OPN5: variants seen among roughly 807,000 people sequenced by gnomAD.
The protein encoded by OPN5 is opsin-5.
In OPN5, 18 loss-of-function variants were observed where a neutral mutation model predicts 41.7. That is an observed-to-expected ratio of 0.43 (90% CI 0.30 to 0.64). The LOEUF is 0.64. OPN5 is among the 30% of genes least tolerant of loss of function. The pLI, the probability that OPN5 is intolerant of heterozygous loss-of-function variation, is 0.13. For synonymous variants in OPN5, 178 were observed against 164.3 expected, an observed-to-expected ratio of 1.08 and a Z score of -0.64; for missense variants, 318 against 434.5, an observed-to-expected ratio of 0.73 and a Z score of 2.38.
intron 2 of OPN5, 75 bp from the exon 3 acceptor site, chr6:47,791,727 G>A (rs532713954): frequency 3.9e-6 from 5 of 1,284,750 alleles, no homozygotes; most frequent in Admixed American, 3.6e-5. Context: ...TAGGGGAGGA[G>A]GTTCAGGTGA....
Position 47,800,487 on chromosome 6 carries a change from G to C in OPN5, c.756+4924G>C, listed in dbSNP as rs79075408. ...AAAAACTTGAAAAGATATCTCAAAA[G>C]GCCAATCTGAGGTTCTACAATACTG... On this transcript the variant is annotated intron_variant, in intron 4 of 6. Coordinates refer to ENST00000371211, the Ensembl canonical transcript of OPN5. Among the ~76,000 whole-genome samples the C allele has an allele frequency of 1.9e-3, 290 of 152,268 alleles. 5 individuals are homozygous for C. The East Asian group carries it at 0.047, about 25-fold the overall frequency.
Position 47,800,746 on chromosome 6 carries a change from T to C in OPN5, c.756+5183T>C, listed in dbSNP as rs116347969. ...GCCTGGCACCCAATCCCAGGAATAATTAAAGGAAAGTCAAGATGGGGGTGT... is the reference window on the plus strand; with the variant it reads ...GCCTGGCACCCAATCCCAGGAATAACTAAAGGAAAGTCAAGATGGGGGTGT... On this transcript the variant is annotated intron_variant, in intron 4 of 6. Coordinates refer to ENST00000371211, the Ensembl canonical transcript of OPN5. Among the ~76,000 whole-genome samples the C allele has an allele frequency of 4.1e-3, 623 of 152,250 alleles. 6 individuals carry two copies. Among genetic ancestry groups the C allele is most frequent in the African/African-American group, 0.014 (561 of 41,544 alleles).
At chr6:47,783,270 C>G (rs1773125363) in intron 1 of OPN5, among the ~76,000 whole-genome samples, 1 of 151,862 alleles carries the variant, frequency 6.6e-6, no homozygotes, top group Non-Finnish European at 1.5e-5. Flanking sequence ...TTTGGGTGAC[C>G]AGTGTGAAGG....
chr6:47,795,362 G>A (rs745801691), exon 4 of OPN5: 2 of 1,614,136 alleles, frequency 1.2e-6, no homozygotes, highest in Non-Finnish European at 1.7e-6. Flanking sequence ...CGTGCACCCT[G>A]GACTGGTGGC....
At chr6:47,807,860 A>C (rs1359828342) in intron 4 of OPN5, among the ~76,000 whole-genome samples, 1 of 151,470 alleles carries the variant, frequency 6.6e-6, no homozygotes, top group Non-Finnish European at 1.5e-5. Context: ...TGCTCCATGG[A>C]GTCATAATCT....
exon 5 of OPN5, chr6:47,808,212 C>A: frequency 6.2e-7 from 1 of 1,613,768 alleles, no homozygotes; most frequent in East Asian, 2.2e-5. Flanking sequence ...GCAGTGGTGT[C>A]TGTGTGGTCA....
chr6:47,786,747 C>G, intron 2 of OPN5, 113 bp downstream of exon 2: 1 of 891,360 alleles, frequency 1.1e-6, no homozygotes, highest in Non-Finnish European at 1.7e-6. Flanking sequence ...TCTCCTTCCA[C>G]TCTTCGCTTC....
At position 47,784,303 on chromosome 6, in the gene OPN5, C is replaced by CTT. The variant is rs11439294; in HGVS notation, c.130+2116_130+2117dup. Among the ~76,000 whole-genome samples the CTT allele has an allele frequency of 7.5e-4, 111 of 148,264 alleles. No individual in the cohort carries two copies. In the East Asian group the frequency reaches 8.3e-3, roughly 11 times the overall value. ...GGCTAGTGTAGATGTTGCAAGATTC[C>CTT]TTTTTTTTTTGGACATAGAGTCTCA... On this transcript the variant is annotated intron_variant, in intron 1 of 6. Transcript: ENST00000371211.
chr6:47,822,764 T>C (rs181175636), intron 6 of OPN5, among the ~76,000 whole-genome samples: 11 of 152,348 alleles, frequency 7.2e-5, no homozygotes, highest in African/African-American at 2.2e-4. Context: ...AATTTGTTCA[T>C]GAATTAACAT....
chr6:47,782,146 A>G lies in OPN5; in HGVS notation c.80A>G (p.Lys27Arg), dbSNP rs149802356. The stretch of plus-strand genomic sequence containing the variant: ...CGAGATGGGGATCCTTTTGCTTCCA[A>G]ACTTTCTTGGGAAGCGGATTTAGTG... Residue 27 changes from lysine to arginine, a missense_variant, in exon 1 of 7, where the codon AAA becomes AGA. Coordinates refer to ENST00000371211, the Ensembl canonical transcript of OPN5. The G allele has an allele frequency of 4.8e-4, 777 of 1,613,786 alleles. 1 individual carries two copies. The highest frequency in any genetic ancestry group is 6.0e-4 in the Non-Finnish European group (707 of 1,179,814).
intron 5 of OPN5, among the ~76,000 whole-genome samples, chr6:47,810,267 G>A (rs998830944): frequency 2.0e-5 from 3 of 152,178 alleles, no homozygotes; most frequent in African/African-American, 7.2e-5. Context: ...AGAGGTTGAA[G>A]CCTCTTTGTG....
intron 6 of OPN5, among the ~76,000 whole-genome samples, chr6:47,820,550 T>C (rs138345037): frequency 6.6e-6 from 1 of 152,332 alleles, no homozygotes; most frequent in East Asian, 1.9e-4. Flanking sequence ...CTGATTTCTA[T>C]TCCTTTTAAG....
At chr6:47,820,932 T>G (rs1762603511) in intron 6 of OPN5, among the ~76,000 whole-genome samples, 1 of 152,206 alleles carries the variant, frequency 6.6e-6, no homozygotes, top group Non-Finnish European at 1.5e-5. Flanking sequence ...ACACATATTT[T>G]ATATGTTATA....
At chr6:47,786,934 T>G (rs62397904) in intron 2 of OPN5, 1 of 375,308 alleles carries the variant, frequency 2.7e-6, no homozygotes, top group Non-Finnish European at 4.0e-6. Flanking sequence ...GCTAAATGAT[T>G]CAGAAATCAG....
At chr6:47,819,608 C>T (rs141559616) in intron 6 of OPN5, among the ~76,000 whole-genome samples, 17 of 151,612 alleles carry the variant, frequency 1.1e-4, no homozygotes, top group South Asian at 2.1e-4. Flanking sequence ...CTGTTATTGG[C>T]GTGTTTCCCA....
At chr6:47,809,080 A>G (rs1774089617) in intron 5 of OPN5, among the ~76,000 whole-genome samples, 1 of 152,146 alleles carries the variant, frequency 6.6e-6, no homozygotes, top group African/African-American at 2.4e-5. Flanking sequence ...GAGTTTGGGA[A>G]TCCAGTACCA....
At chr6:47,808,363 A>T in exon 5 of OPN5, 1 of 1,614,106 alleles carries the variant, frequency 6.2e-7, no homozygotes, top group Non-Finnish European at 8.5e-7. Flanking sequence ...GTGGTTTGAA[A>T]GCAACCAAGA....
rs138893819 is a variant in OPN5, at chr6:47,791,777, G to C, written c.251-25G>C. 1,378 of 1,611,576 alleles carry C rather than the reference G, an allele frequency of 8.6e-4. 17 individuals carry two copies. The South Asian group carries it at 8.7e-3, about 10-fold the overall frequency. Reference sequence around the variant, plus strand: ...GGAAATAGTAACCAGAGGAACGTCTGTTGACAAGTCACTTGGTGCTCTAGT... The same window carrying C: ...GGAAATAGTAACCAGAGGAACGTCTCTTGACAAGTCACTTGGTGCTCTAGT... On this transcript the variant is annotated intron_variant, in intron 2 of 6. Transcript: ENST00000371211.
chr6:47,792,982 GTT>G (rs11409547), intron 3 of OPN5, among the ~76,000 whole-genome samples: 25 of 138,080 alleles, frequency 1.8e-4, no homozygotes, highest in Admixed American at 4.3e-4. Flanking sequence ...CCAGCACTAC[GTT>G]TTTTTTTTTT....
Sources: allele counts gnomAD v4.1 joint callset (sites outside exome capture counted in the v4.1 genomes callset), GRCh38; gene constraint gnomAD v4.1.1; transcripts MANE v1.5; gene names NCBI Gene and HGNC (gene_info 2026-07-23, HGNC 2026-07-21).